The following UBE3D variants were observed in gnomAD, a reference collection of about 807,000 sequenced individuals.
The protein encoded by UBE3D is E3 ubiquitin-protein ligase E3D.
In UBE3D, 48 loss-of-function variants were observed where a neutral mutation model predicts 49.6. That is an observed-to-expected ratio of 0.97 (90% CI 0.77 to 1.23). The LOEUF is 1.23. Among genes scored for constraint, UBE3D ranks in the 50% most tolerant of loss-of-function variants. UBE3D has a pLI of 0.00. For synonymous variants in UBE3D, 189 were observed against 174.2 expected (o/e 1.08, Z -0.67); for missense variants, 452 against 468.4 (o/e 0.96, Z 0.32).
intron 8 of UBE3D, among the ~76,000 whole-genome samples, chr6:82,981,122 A>ATT (rs1778090275): frequency 6.6e-6 from 1 of 152,098 alleles, no homozygotes; most frequent in Non-Finnish European, 1.5e-5. Flanking sequence ...ATAGGGTTTC[A>ATT]TTTTAAAAAC....
chr6:82,935,762 T>C (rs1774522262), intron 9 of UBE3D, among the ~76,000 whole-genome samples: 1 of 152,074 alleles, frequency 6.6e-6, no homozygotes, highest in African/African-American at 2.4e-5. Flanking sequence ...AGGCAATGAG[T>C]GATAGATCTT....
intron 9 of UBE3D, among the ~76,000 whole-genome samples, chr6:82,921,395 G>A (rs925284147): frequency 3.3e-5 from 5 of 152,166 alleles, no homozygotes; most frequent in African/African-American, 1.2e-4. Context: ...CATCCTGGAA[G>A]GTCTAGACTT....
chr6:82,970,450 G>A (rs1355617677), intron 8 of UBE3D, among the ~76,000 whole-genome samples: 1 of 152,036 alleles, frequency 6.6e-6, no homozygotes, highest in African/African-American at 2.4e-5. Context: ...TACAAAAAGA[G>A]GACAAAGGAC....
At chr6:83,040,833 G>A (rs917159415) in intron 4 of UBE3D, among the ~76,000 whole-genome samples, 2 of 152,204 alleles carry the variant, frequency 1.3e-5, no homozygotes, top group African/African-American at 4.8e-5. Context: ...GCAGGTCTCA[G>A]AGCCTGACCC....
chr6:82,937,690 T>A (rs943832627), intron 9 of UBE3D, among the ~76,000 whole-genome samples: 4 of 149,724 alleles, frequency 2.7e-5, no homozygotes, highest in Admixed American at 2.0e-4. Flanking sequence ...AGAACCAGAG[T>A]GAAAAATAAA....
chr6:83,041,632 ATTC>A (rs1321683209), intron 4 of UBE3D, among the ~76,000 whole-genome samples: 7 of 152,206 alleles, frequency 4.6e-5, no homozygotes, highest in Non-Finnish European at 1.0e-4. Flanking sequence ...TCACAATACT[ATTC>A]TTCTTATACT....
chr6:83,052,815 G>C (rs899421931), intron 3 of UBE3D, among the ~76,000 whole-genome samples: 3 of 152,196 alleles, frequency 2.0e-5, no homozygotes, highest in African/African-American at 7.2e-5. Context: ...TGATGCATTT[G>C]AGAACAATTA....
chr6:83,058,380 C>T (rs1783951631), intron 1 of UBE3D, among the ~76,000 whole-genome samples: 1 of 152,118 alleles, frequency 6.6e-6, no homozygotes, highest in Non-Finnish European at 1.5e-5. Context: ...TGATACAAGA[C>T]AAAAACCTGT....
intron 5 of UBE3D, chr6:83,038,042 A>G (rs1451293738): frequency 6.5e-6 from 1 of 152,834 alleles, no homozygotes; most frequent in African/African-American, 2.4e-5. Context: ...AGTTACCAGG[A>G]AGGTAAAATT....
At chr6:83,018,082 T>C (rs2127767974) in intron 8 of UBE3D, 1 of 152,290 alleles carries the variant, frequency 6.6e-6, no homozygotes, top group East Asian at 1.9e-4. Context: ...TGTTTGAATA[T>C]TTTATGACTG....
chr6:82,952,151 A>G (rs1775846591), intron 9 of UBE3D, among the ~76,000 whole-genome samples: 1 of 152,182 alleles, frequency 6.6e-6, no homozygotes, highest in Non-Finnish European at 1.5e-5. Flanking sequence ...TTATTAAAAG[A>G]GGTTAACATT....
chr6:82,932,883 GGAGA>G (rs377224341), intron 9 of UBE3D, among the ~76,000 whole-genome samples: 72 of 152,220 alleles, frequency 4.7e-4, no homozygotes, highest in African/African-American at 1.5e-3. Flanking sequence ...GCTAGAGCAT[GGAGA>G]GAGAGAGGAA....
chr6:82,918,650 T>C (rs996089914), intron 9 of UBE3D, among the ~76,000 whole-genome samples: 1 of 152,200 alleles, frequency 6.6e-6, no homozygotes, highest in Non-Finnish European at 1.5e-5. Flanking sequence ...AAATGTCCCA[T>C]AGAACTGATA....
chr6:83,019,218 G>A (rs1443153366), intron 7 of UBE3D, 82 bp from the exon 8 acceptor site: 5 of 1,277,180 alleles, frequency 3.9e-6, no homozygotes, highest in Non-Finnish European at 5.2e-6. Context: ...ACAAAAAAGA[G>A]ACTATGAAAA....
At chr6:82,898,728 G>T (rs1032827733) in intron 9 of UBE3D, among the ~76,000 whole-genome samples, 3 of 152,142 alleles carry the variant, frequency 2.0e-5, no homozygotes, top group African/African-American at 4.8e-5. Context: ...CCTAATGTAG[G>T]TGAAGGGTTG....
chr6:82,934,204 C>T (rs1040161469), intron 9 of UBE3D, among the ~76,000 whole-genome samples: 1 of 152,158 alleles, frequency 6.6e-6, no homozygotes, highest in Non-Finnish European at 1.5e-5. Flanking sequence ...GCCTTGCTTC[C>T]CCTTCCACCA....
chr6:82,947,680 C>T (rs1032164260), intron 9 of UBE3D, among the ~76,000 whole-genome samples: 1 of 151,808 alleles, frequency 6.6e-6, no homozygotes, highest in Non-Finnish European at 1.5e-5. Flanking sequence ...TCTCTGACCA[C>T]AATGGAATAA....
intron 9 of UBE3D, among the ~76,000 whole-genome samples, chr6:82,896,212 C>T (rs1007443921): frequency 6.6e-6 from 1 of 150,954 alleles, no homozygotes; most frequent in Non-Finnish European, 1.5e-5. Flanking sequence ...ATTACTTCCC[C>T]TAACTGCCAT....
rs550048431 is a variant in UBE3D at position 83,022,050 on chromosome 6, G to C, written c.846+403C>G. On this transcript the variant is annotated intron_variant, in intron 7 of 9. Transcript: ENST00000369747. Reference sequence around the variant, plus strand: ...ATATTAACTTTTTTTTTTTTAAGATGGAGTCTTGCTCTGTCACCCAGGCTT... The same window carrying C: ...ATATTAACTTTTTTTTTTTTAAGATCGAGTCTTGCTCTGTCACCCAGGCTT... Among the ~76,000 whole-genome samples the C allele has an allele frequency of 4.0e-5, 6 of 150,956 alleles. No homozygotes were observed. In the South Asian group the frequency reaches 1.3e-3, roughly 32 times the overall value.
Sources: allele counts gnomAD v4.1 joint callset (sites outside exome capture counted in the v4.1 genomes callset), GRCh38; gene constraint gnomAD v4.1.1; transcripts MANE v1.5; gene names NCBI Gene and HGNC (gene_info 2026-07-23, HGNC 2026-07-21).